ZMYND15: variants seen among roughly 807,000 people sequenced by gnomAD.
The protein encoded by ZMYND15 is zinc finger MYND-type containing 15, also known as zinc finger MYND domain-containing protein 15.
ZMYND15 carries 54 observed loss-of-function variants against 81.7 expected under a neutral mutation model. The observed-to-expected ratio is 0.66, with a 90% confidence interval of 0.53 to 0.83. The LOEUF is 0.83. Ranked by LOEUF, ZMYND15 falls within the 40% of genes least tolerant of loss-of-function variation. The pLI is 0.00. For missense variants in ZMYND15, 925 were observed against 973.5 expected, an observed-to-expected ratio of 0.95 and a Z score of 0.66; for synonymous variants, 399 against 387.0, an observed-to-expected ratio of 1.03 and a Z score of -0.36.
At chr17:4,742,659 G>T (rs999260893) in intron 5 of ZMYND15, among the ~76,000 whole-genome samples, 168 bp downstream of exon 5, 4 of 152,150 alleles carry the variant, frequency 2.6e-5, no homozygotes, top group Non-Finnish European at 5.9e-5. Context: ...TGGAGACAGG[G>T]TCTCTGAAGC....
Position 4,742,374 on chromosome 17 carries a change from C to T in ZMYND15, c.1027C>T (p.Arg343Trp), listed in dbSNP as rs117858568. ...CTTGTATTGTGGAGAGGCTTGTCTC[C>T]GGGCTGACTGGCAGCGGTGCCCAGA... ...AVLYCGEACL[R>W]ADWQRCPDDV... is the part of the protein sequence containing the mutation. Residue 343 changes from arginine to tryptophan, a missense_variant, in exon 5 of 14, where the codon CGG becomes TGG. By Grantham distance (101) the Arg-to-Trp change is moderately radical. Transcript: ENST00000433935. 334 of 1,614,126 alleles carry T rather than the reference C, an allele frequency of 2.1e-4. No homozygotes were observed. Among genetic ancestry groups the T allele is most frequent in the Middle Eastern group, 3.3e-4 (2 of 6,058 alleles).
In ZMYND15 at chr17:4,741,061, A is replaced by G. The variant is rs761474934; in HGVS notation, c.513A>G (p.Ala171=). ...PGESEEAARE[A]GGGKDGCRED... is the part of the protein sequence containing the mutation. ...AGTCAGAGGAGGCTGCCCGGGAGGCAGGAGGTGGCAAGGATGGCTGCCGAG... is the reference window on the plus strand; with the variant it reads ...AGTCAGAGGAGGCTGCCCGGGAGGCGGGAGGTGGCAAGGATGGCTGCCGAG... The change falls in exon 2 of 14, where the codon GCA becomes GCG. Residue 171 remains alanine, a synonymous_variant. Transcript: ENST00000433935. 3 of 1,548,196 alleles carry G rather than the reference A, an allele frequency of 1.9e-6. No homozygotes were observed. Among genetic ancestry groups the G allele is most frequent in the Middle Eastern group, 1.7e-4 (1 of 5,950 alleles).
rs575028507 is a variant in ZMYND15 at position 4,742,403 on chromosome 17, T to C, written c.1056T>C (p.Asp352=). 1.2e-4 allele frequency: 189 copies of C among 1,614,166 alleles called. 2 individuals carry two copies. In the South Asian group the frequency reaches 1.9e-3, roughly 17 times the overall value. The change falls in exon 5 of 14, where the codon GAT becomes GAC. Residue 352 remains aspartate (D), a synonymous_variant. Coordinates refer to ENST00000433935, the MANE Select transcript of ZMYND15 (RefSeq NM_001136046.3). ...CTGACTGGCAGCGGTGCCCAGATGA[T>C]GTGAGTCACCGATTTTGGTGCCCAA... is the stretch of plus-strand genomic sequence containing the variant. The part of the protein sequence containing the change: ...LRADWQRCPD[D]VSHRFWCPRL...
chr17:4,741,168 A>G, intron 2 of ZMYND15, 28 bp downstream of exon 2: 1 of 1,407,210 alleles, frequency 7.1e-7, no homozygotes, highest in Non-Finnish European at 9.3e-7. Flanking sequence ...GCCCTGCCCT[A>G]CCCCTTGCCC....
Position 4,741,094 on chromosome 17 carries a change from G to T in ZMYND15, c.546G>T (p.Arg182Ser), listed in dbSNP as rs1359340283. The change falls in exon 2 of 14, where the codon AGG becomes AGT. Residue 182 changes from arginine to serine, a missense_variant. Arg to Ser is a moderately radical substitution (Grantham distance 110). Transcript: ENST00000433935. ...GGGKDGCRED[R>S]VENETRPQKR... Reference sequence around the variant, plus strand: ...GCAAGGATGGCTGCCGAGAGGACAGGGTGGAGAACGAAACAAGACCCCAGA... The same window carrying T: ...GCAAGGATGGCTGCCGAGAGGACAGTGTGGAGAACGAAACAAGACCCCAGA... 6.5e-7 allele frequency: 1 copy of T among 1,529,724 alleles called. No homozygotes were observed. The highest frequency in any genetic ancestry group is 2.1e-5 in the Admixed American group (1 of 48,136). The allele number at this position is 1,529,724 out of a possible 1,614,324, so 94.8% of individuals were successfully genotyped here. A position where few individuals can be genotyped will look rare whatever the true frequency, so the allele number is the denominator to read the frequency against.
In ZMYND15 at chr17:4,743,238, C is replaced by CAAA. The variant is rs59912742; in HGVS notation, c.1145-54_1145-52dup. 0.016 allele frequency: 21,912 copies of CAAA among 1,367,050 alleles called. 1 individual carries two copies. The highest frequency in any genetic ancestry group is 0.018 in the Non-Finnish European group (18,043 of 1,017,274). 84.7% of individuals were successfully genotyped at this position (1,367,050 alleles called of 1,614,324 possible). On this transcript the variant is annotated intron_variant, in intron 5 of 13. Transcript: ENST00000433935. The surrounding 1 kb of genome is among the most constrained non-coding windows in gnomAD (Gnocchi z 4.3). ...TGGGTGATAGAGCAAGACTCTGTCT[C>CAAA]AAAAAAAAAAAAATGTCTGGGGTTC...
chr17:4,740,901 A>C lies in ZMYND15; in HGVS notation c.353A>C (p.Glu118Ala), dbSNP rs1916373808. The C allele has an allele frequency of 6.3e-7, 1 of 1,580,654 alleles. No homozygotes were observed. The highest frequency in any genetic ancestry group is 8.6e-7 in the Non-Finnish European group (1 of 1,160,666). The change falls in exon 2 of 14, where the codon GAA (glutamate) becomes GCA (alanine). Residue 118 changes from glutamate (E) to alanine (A), a missense_variant. Physicochemically the swap from Glu to Ala is moderately radical, Grantham distance 107. Coordinates refer to ENST00000433935, the MANE Select transcript of ZMYND15 (RefSeq NM_001136046.3). ...GAGGATGGGGAGGAAGGGGAGGAGG[A>C]AGAGGAGGAAGATGAAGAAGAAGAG... ...SLEDGEEGEE[E>A]EEEDEEEEKR... is the part of the protein sequence containing the mutation.
In ZMYND15 at chr17:4,744,071, G is replaced by A. The variant is rs778863496; in HGVS notation, c.1459G>A (p.Val487Met). Residue 487 changes from valine (V) to methionine (M), a missense_variant, in exon 8 of 14, where the codon GTG (valine) becomes ATG (methionine). Transcript: ENST00000433935. The surrounding 1 kb of genome is among the most constrained non-coding windows in gnomAD (Gnocchi z 4.1). Reference sequence around the variant, plus strand: ...CGTGCTTCTCACCTACCCGCTGACCGTGTACTACGTCATCACCCACCTGGT... The same window carrying A: ...CGTGCTTCTCACCTACCCGCTGACCATGTACTACGTCATCACCCACCTGGT... ...IAVLLTYPLT[V>M]YYVITHLVPQ... The A allele has an allele frequency of 4.5e-5, 71 of 1,568,098 alleles. No homozygotes were observed. Among genetic ancestry groups the A allele is most frequent in the Admixed American group, 5.7e-5 (3 of 52,240 alleles).
Position 4,745,144 on chromosome 17 carries a change from C to G in ZMYND15, c.1897-71C>G, listed in dbSNP as rs932061587. The G allele has an allele frequency of 3.0e-5, 49 of 1,609,872 alleles. No homozygotes were observed. Among genetic ancestry groups the G allele is most frequent in the African/African-American group, 6.7e-5 (5 of 74,812 alleles). On this transcript the variant is annotated intron_variant, in intron 12 of 13. Coordinates refer to ENST00000433935, the MANE Select transcript of ZMYND15 (RefSeq NM_001136046.3). This position sits in a 1 kb window ranked among gnomAD's most constrained non-coding sequence, Gnocchi z 5.2. ...TGTCCGGGGACCTCGGCTTTCAGCC[C>G]GGTCTGTCATTCTGGCTGCTGGGAT...
Position 4,744,338 on chromosome 17 carries a change from C to T in ZMYND15, c.1585-31C>T, listed in dbSNP as rs749033473. ...GGTATGGGGGTGGGCACAGGGTAGA[C>T]CCCAGATCTTTCTTTCTTTCTGTCC... On this transcript the variant is annotated intron_variant, in intron 9 of 13. Transcript: ENST00000433935. This position sits in a 1 kb window ranked among gnomAD's most constrained non-coding sequence, Gnocchi z 4.1. 4 of 1,613,716 alleles carry T rather than the reference C, an allele frequency of 2.5e-6. No homozygotes were observed. In the East Asian group the frequency reaches 6.7e-5, roughly 27 times the overall value.
rs760815441 is a variant in ZMYND15, at chr17:4,740,800, G to T, written c.252G>T (p.Gly84=). 6.3e-7 allele frequency: 1 copy of T among 1,590,220 alleles called. No homozygotes were observed. The highest frequency in any genetic ancestry group is 1.7e-5 in the Admixed American group (1 of 58,130). The change falls in exon 2 of 14, where the codon GGG becomes GGT. Residue 84 remains glycine, a synonymous_variant. Transcript: ENST00000433935. ...GAEPGPGPGL[G]TAWLLGDNPP... is the part of the protein sequence containing the mutation. ...AACCAGGTCCTGGACCAGGCCTGGG[G>T]ACTGCCTGGCTCCTGGGAGACAACC... is the stretch of plus-strand genomic sequence containing the variant.
At position 4,743,817 on chromosome 17, in the gene ZMYND15, G is replaced by A. The variant is rs767326687; in HGVS notation, c.1348G>A (p.Val450Met). 2.5e-6 allele frequency: 4 copies of A among 1,613,998 alleles called. No homozygotes were observed. The highest frequency in any genetic ancestry group is 2.2e-5 in the South Asian group (2 of 91,064). ...AGACGGGACTGCCCTGATGCCTCCTGTGCCCCCACATCCACCCCGGGGTGT... is the reference window on the plus strand; with the variant it reads ...AGACGGGACTGCCCTGATGCCTCCTATGCCCCCACATCCACCCCGGGGTGT... ...QGDGTALMPP[V>M]PPHPPRGVFG... The change falls in exon 7 of 14, where the codon GTG becomes ATG. Residue 450 changes from valine to methionine, a missense_variant. Physicochemically the swap from Val to Met is conservative, Grantham distance 21. Transcript: ENST00000433935. This position sits in a 1 kb window ranked among gnomAD's most constrained non-coding sequence, Gnocchi z 4.3.
rs1329349445 is a variant in ZMYND15 at position 4,740,844 on chromosome 17, A to C, written c.296A>C (p.Asp99Ala). 2 of 1,577,844 alleles carry C rather than the reference A, an allele frequency of 1.3e-6. No individual in the cohort carries two copies. Among genetic ancestry groups the C allele is most frequent in the Non-Finnish European group, 1.7e-6 (2 of 1,159,214 alleles). Residue 99 changes from aspartate (D) to alanine (A), a missense_variant, in exon 2 of 14, where the codon GAC (aspartate) becomes GCC (alanine). Transcript: ENST00000433935. ...LGDNPPLHLR[D>A]LSPYISFVSL... ...GACAACCCTCCACTCCACCTGCGAG[A>C]CCTGAGCCCCTACATCAGCTTTGTC...
chr17:4,741,944 G>C lies in ZMYND15; in HGVS notation c.857G>C (p.Gly286Ala). The change falls in exon 4 of 14, where the codon GGT (glycine) becomes GCT (alanine). Residue 286 changes from glycine (G) to alanine (A), a missense_variant. By Grantham distance (60) the Gly-to-Ala change is moderately conservative (BLOSUM62 0). Coordinates refer to ENST00000433935, the MANE Select transcript of ZMYND15 (RefSeq NM_001136046.3). ...CTGGAGAGCTTGGTCCCAAGGCTAG[G>C]TGTGAAGTTAGCCAAAACCCCAATG... ...RELESLVPRL[G>A]VKLAKTPMRT... The C allele has an allele frequency of 6.2e-7, 1 of 1,614,172 alleles. No homozygotes were observed. The highest frequency in any genetic ancestry group is 8.5e-7 in the Non-Finnish European group (1 of 1,180,026).
Position 4,746,099 on chromosome 17 carries a change from A to C in ZMYND15, c.*109A>C. On this transcript the variant is annotated 3_prime_UTR_variant, in exon 14 of 14. Coordinates refer to ENST00000433935, the MANE Select transcript of ZMYND15 (RefSeq NM_001136046.3). ...GGTAAAACATGAAAAGGTAAATAAA[A>C]TTACTTGTTTGAAACCACTGAGTCA... The C allele has an allele frequency of 8.4e-7, 1 of 1,193,004 alleles. No homozygotes were observed. The highest frequency in any genetic ancestry group is 1.1e-6 in the Non-Finnish European group (1 of 911,006). The allele number at this position is 1,193,004 out of a possible 1,614,324, so 73.9% of individuals were successfully genotyped here. A position where few individuals can be genotyped will look rare whatever the true frequency, so the allele number is the denominator to read the frequency against.
chr17:4,741,997 A>T lies in ZMYND15; in HGVS notation c.910A>T (p.Thr304Ser). 6.2e-7 allele frequency: 1 copy of T among 1,614,158 alleles called. No individual in the cohort carries two copies. Among genetic ancestry groups the T allele is most frequent in the Non-Finnish European group, 8.5e-7 (1 of 1,180,040 alleles). The stretch of plus-strand genomic sequence containing the variant: ...GACATGGGGTCCCCGGCCAGGCTTC[A>T]CCTTTGCTTCCCTTCGTGCTCGAAC... ...MRTWGPRPGF[T>S]FASLRARTCH... The change falls in exon 4 of 14, where the codon ACC (threonine) becomes TCC (serine). Residue 304 changes from threonine to serine, a missense_variant. By Grantham distance (58) the Thr-to-Ser change is moderately conservative. Coordinates refer to ENST00000433935, the MANE Select transcript of ZMYND15 (RefSeq NM_001136046.3).
Position 4,740,664 on chromosome 17 carries a change from G to C in ZMYND15, c.116G>C (p.Arg39Pro). 6.2e-7 allele frequency: 1 copy of C among 1,614,148 alleles called. No homozygotes were observed. The change falls in exon 2 of 14, where the codon CGC (arginine) becomes CCC (proline). Residue 39 changes from arginine (R) to proline (P), a missense_variant. Transcript: ENST00000433935. ...RGAVGTSLEG[R>P]CRQLEAQIRR... ...GCTGTAGGGACTAGCCTTGAGGGCC[G>C]CTGCCGGCAGCTGGAGGCCCAGATC...
Position 4,744,546 on chromosome 17 carries a change from C to A in ZMYND15, c.1683+79C>A, listed in dbSNP as rs962509979. ...GGTTGGGTCCTGCCCTTCTGCCCCC[C>A]ACTCCCCATCTTGCCTGGTGCATCC... On this transcript the variant is annotated intron_variant, in intron 10 of 13. Coordinates refer to ENST00000433935, the MANE Select transcript of ZMYND15 (RefSeq NM_001136046.3). This position sits in a 1 kb window ranked among gnomAD's most constrained non-coding sequence, Gnocchi z 4.1. The A allele has an allele frequency of 4.4e-6, 7 of 1,602,730 alleles. No homozygotes were observed. Among genetic ancestry groups the A allele is most frequent in the Admixed American group, 3.4e-5 (2 of 59,170 alleles).
At position 4,742,477 on chromosome 17, in the gene ZMYND15, T is replaced by C; in HGVS notation, c.1130T>C (p.Phe377Ser). The C allele has an allele frequency of 6.2e-7, 1 of 1,614,092 alleles. No individual in the cohort carries two copies. Among genetic ancestry groups the C allele is most frequent in the Non-Finnish European group, 8.5e-7 (1 of 1,180,022 alleles). Residue 377 changes from phenylalanine to serine, a missense_variant, in exon 5 of 14, where the codon TTT (phenylalanine) becomes TCT (serine). By Grantham distance (155) the Phe-to-Ser change is radical. Coordinates refer to ENST00000433935, the MANE Select transcript of ZMYND15 (RefSeq NM_001136046.3). ...ERAGELATLP[F>S]TYTAEVTSET... The stretch of plus-strand genomic sequence containing the variant: ...GCAGGAGAACTGGCAACCCTGCCTT[T>C]TACCTACACCGCAGGTACCATAAGG...
Sources: allele counts gnomAD v4.1 joint callset (sites outside exome capture counted in the v4.1 genomes callset), GRCh38; gene constraint gnomAD v4.1.1; non-coding constraint Gnocchi (gnomAD v3.1); transcripts MANE v1.5; gene names NCBI Gene and HGNC (gene_info 2026-07-23, HGNC 2026-07-21).